Variants in SYT16 observed in about 807,000 individuals in gnomAD.
The protein encoded by SYT16 is synaptotagmin 16, also known as synaptotagmin-16.
Under a neutral mutation model 61.4 loss-of-function variants are expected in SYT16, and 42 were observed. The observed-to-expected ratio is 0.68, with a 90% CI of 0.53 to 0.89. SYT16 has a LOEUF of 0.89. Among genes scored for constraint, SYT16 ranks in the 40% least tolerant of loss-of-function variants. The pLI, the probability that SYT16 is intolerant of heterozygous loss-of-function variation, is 0.00. For synonymous variants in SYT16, 314 were observed against 302.3 expected, an observed-to-expected ratio of 1.04 and a Z score of -0.40; for missense variants, 804 against 807.3, an observed-to-expected ratio of 1.00 and a Z score of 0.05.
chr14:61,837,846 TC>T (rs1380339959), intron 1 of SYT16, among the ~76,000 whole-genome samples: 3 of 152,240 alleles, frequency 2.0e-5, no homozygotes, highest in Non-Finnish European at 4.4e-5. Context: ...CCTATGTCTT[TC>T]TCAGTATCCA....
chr14:61,944,745 G>A (rs556819780), intron 1 of SYT16, among the ~76,000 whole-genome samples: 37 of 152,230 alleles, frequency 2.4e-4, no homozygotes, highest in African/African-American at 7.2e-4. Flanking sequence ...ACTCAAGATC[G>A]ATTAAAGACT....
intron 3 of SYT16, among the ~76,000 whole-genome samples, chr14:62,066,343 G>A (rs1446350617): frequency 2.0e-5 from 3 of 152,184 alleles, no homozygotes; most frequent in African/African-American, 7.2e-5. Flanking sequence ...TTAATTGACG[G>A]TGTGATCTTC....
chr14:61,889,990 G>C (rs901690239), intron 1 of SYT16, among the ~76,000 whole-genome samples: 2 of 151,988 alleles, frequency 1.3e-5, no homozygotes, highest in Non-Finnish European at 2.9e-5. Flanking sequence ...GGCAGTCTTT[G>C]TCACAGCCAC....
intron 1 of SYT16, among the ~76,000 whole-genome samples, chr14:61,880,988 T>A (rs1430778804): frequency 6.6e-6 from 1 of 152,168 alleles, no homozygotes; most frequent in African/African-American, 2.4e-5. Context: ...TTGATACATC[T>A]TCACAAAATG....
chr14:61,891,242 GCACA>G (rs34375502), intron 1 of SYT16, among the ~76,000 whole-genome samples: 143 of 147,888 alleles, frequency 9.7e-4, no homozygotes, highest in Non-Finnish European at 1.4e-3. Context: ...ACACACACGC[GCACA>G]CACACACACA....
Position 62,043,587 on chromosome 14 carries a change from T to C in SYT16, c.524-26016T>C, listed in dbSNP as rs1046934926. 3.3e-5 allele frequency among the ~76,000 whole-genome samples: 5 copies of C among 152,058 alleles called. No individual in the cohort carries two copies. The South Asian group carries it at 1.0e-3, about 32-fold the overall frequency. ...CATGCCCAGCTAATTTTTTGTGTTT[T>C]TGGTAGAGACAGGGTTTCACTATGT... On this transcript the variant is annotated intron_variant, in intron 3 of 7. Transcript: ENST00000683842.
intron 1 of SYT16, among the ~76,000 whole-genome samples, chr14:61,847,199 GA>G (rs763125001): frequency 6.6e-6 from 1 of 152,036 alleles, no homozygotes; most frequent in Non-Finnish European, 1.5e-5. Flanking sequence ...CTTCCTAATT[GA>G]AGTACTTCCT....
intron 3 of SYT16, among the ~76,000 whole-genome samples, chr14:61,998,393 T>G (rs1044069640): frequency 3.9e-5 from 6 of 151,954 alleles, no homozygotes; most frequent in Non-Finnish European, 7.4e-5. Flanking sequence ...GGATACATTT[T>G]TAGCCTCTCT....
intron 2 of SYT16, among the ~76,000 whole-genome samples, chr14:61,974,473 T>C (rs995469797): frequency 6.6e-6 from 1 of 152,102 alleles, no homozygotes; most frequent in African/African-American, 2.4e-5. Context: ...TCTTGCAAAT[T>C]ATATAGCTTG....
chr14:62,083,277 A>G (rs2056770989), intron 6 of SYT16, among the ~76,000 whole-genome samples: 1 of 152,206 alleles, frequency 6.6e-6, no homozygotes, highest in Non-Finnish European at 1.5e-5. Context: ...ATTTGAAGAA[A>G]TGATTTCAAA....
At chr14:61,927,594 G>GT (rs1313520998) in intron 1 of SYT16, among the ~76,000 whole-genome samples, 1 of 152,118 alleles carries the variant, frequency 6.6e-6, no homozygotes, top group African/African-American at 2.4e-5. Context: ...GTGGTTATGT[G>GT]TTTTTTAAAA....
chr14:61,821,236 A>G (rs770297589), intron 1 of SYT16, among the ~76,000 whole-genome samples: 5 of 146,134 alleles, frequency 3.4e-5, no homozygotes, highest in African/African-American at 9.7e-5. Flanking sequence ...TTAGAAGTGC[A>G]TTACAATATC....
intron 1 of SYT16, among the ~76,000 whole-genome samples, chr14:61,863,599 G>A (rs59825602): frequency 0.19 from 28,435 of 152,152 alleles, 3,383 homozygotes; most frequent in African/African-American, 0.34. Context: ...TTCACAGAGC[G>A]GAAAGATTTA....
intron 1 of SYT16, among the ~76,000 whole-genome samples, chr14:61,852,555 G>A (rs910948802): frequency 1.3e-5 from 2 of 152,292 alleles, no homozygotes; most frequent in Non-Finnish European, 2.9e-5. Flanking sequence ...CAAGAGCATG[G>A]AATGTTTCTC....
intron 1 of SYT16, among the ~76,000 whole-genome samples, chr14:61,933,056 G>T (rs771918785): frequency 6.6e-6 from 1 of 152,206 alleles, no homozygotes; most frequent in African/African-American, 2.4e-5. Context: ...TCTTTGACAG[G>T]TGAGTTTGGG....
intron 1 of SYT16, among the ~76,000 whole-genome samples, chr14:61,899,990 A>G (rs1013340071): frequency 1.3e-5 from 2 of 152,128 alleles, no homozygotes; most frequent in Non-Finnish European, 2.9e-5. Context: ...TCTTATTACA[A>G]TTTCTGTTAT....
intron 1 of SYT16, among the ~76,000 whole-genome samples, chr14:61,956,293 T>G (rs1051268376): frequency 1.3e-5 from 2 of 152,130 alleles, no homozygotes; most frequent in African/African-American, 4.8e-5. Flanking sequence ...GTGCAGAAAC[T>G]TTTTAGTTTG....
intron 1 of SYT16, among the ~76,000 whole-genome samples, chr14:61,906,168 G>A (rs2048702795): frequency 6.6e-6 from 1 of 152,228 alleles, no homozygotes; most frequent in African/African-American, 2.4e-5. Flanking sequence ...TTTTGATAGG[G>A]AATTTGAGAC....
At chr14:61,849,078 T>A (rs1429197735) in intron 1 of SYT16, among the ~76,000 whole-genome samples, 1 of 152,226 alleles carries the variant, frequency 6.6e-6, no homozygotes, top group Non-Finnish European at 1.5e-5. Flanking sequence ...GGCTCCCTTC[T>A]GGCCCAAGCT....
Sources: gnomAD v4.1 joint callset for allele counts (sites outside exome capture counted in the v4.1 genomes callset) on GRCh38, gnomAD v4.1.1 for gene constraint, MANE v1.5 for transcripts, NCBI Gene and HGNC (gene_info 2026-07-23, HGNC 2026-07-21) for gene names.